CUX1: variants seen among roughly 807,000 people sequenced by gnomAD.
The protein encoded by CUX1 is protein CASP.
A neutral mutation model predicts 158.8 loss-of-function variants in CUX1; 31 were observed. That is an observed-to-expected ratio of 0.20 (90% CI 0.15 to 0.26). The LOEUF is 0.26. Among genes scored for constraint, CUX1 ranks in the 10% least tolerant of loss-of-function variants. The pLI is 1.00. For synonymous variants in CUX1, 879 were observed against 862.1 expected (o/e 1.02, Z -0.34); for missense variants, 1,589 against 2,014.6 (o/e 0.79, Z 4.04).
intron 1 of CUX1, among the ~76,000 whole-genome samples, chr7:101,898,585 CTTTT>C (rs67714464): frequency 1.7e-5 from 2 of 115,454 alleles, no homozygotes; most frequent in Non-Finnish European, 3.6e-5. Flanking sequence ...ATTTCTGTGT[CTTTT>C]TTTTTTTTTT....
intron 8 of CUX1, among the ~76,000 whole-genome samples, chr7:102,130,682 T>TA (rs1196602798): frequency 8.7e-4 from 132 of 151,770 alleles, no homozygotes; most frequent in Non-Finnish European, 1.2e-3. Flanking sequence ...CTCCATCTTA[T>TA]AAAAAAAATT....
chr7:102,200,124 A>C lies in CUX1; in HGVS notation c.2014A>C (p.Lys672Gln). 1 of 1,613,736 alleles carries C rather than the reference A, an allele frequency of 6.2e-7. No individual in the cohort carries two copies. Among genetic ancestry groups the C allele is most frequent in the Non-Finnish European group, 8.5e-7 (1 of 1,179,826 alleles). ...GGAGACTGGCTCTGATGAAGCCATC[A>C]AGTCCATCCTAGAGCAAGCCAAGAG... ...ASETGSDEAI[K>Q]SILEQAKREL... is the part of the protein sequence containing the mutation. Residue 672 changes from lysine (K) to glutamine (Q), a missense_variant, in exon 17 of 24, where the codon AAG becomes CAG. By Grantham distance (53) the Lys-to-Gln change is moderately conservative. This residue lies in a region of CUX1 where 337 missense variants were observed against 409.3 expected (regional missense o/e 0.82). Transcript: ENST00000292535.
chr7:102,250,124 C>A lies in CUX1; in HGVS notation c.*1082C>A. On this transcript the variant is annotated 3_prime_UTR_variant, in exon 24 of 24. Transcript: ENST00000292535. Reference sequence around the variant, plus strand: ...TATAATCTGCTTTTTAACCTCTAACCGCAGAGCACGCTGATCAGACCTCAT... The same window carrying A: ...TATAATCTGCTTTTTAACCTCTAACAGCAGAGCACGCTGATCAGACCTCAT... The A allele has an allele frequency of 1.0e-6, 1 of 985,278 alleles. No individual in the cohort carries two copies. Among genetic ancestry groups the A allele is most frequent in the Non-Finnish European group, 1.2e-6 (1 of 829,904 alleles). The allele number at this position is 985,278 out of a possible 1,614,324, so 61.0% of individuals were successfully genotyped here. A position where few individuals can be genotyped will look rare whatever the true frequency, so the allele number is the denominator to read the frequency against.
intron 1 of CUX1, among the ~76,000 whole-genome samples, chr7:101,823,718 C>A (rs2906721): frequency 0.15 from 22,893 of 152,130 alleles, 1,855 homozygotes; most frequent in Non-Finnish European, 0.18. Context: ...ATTTTTTTAA[C>A]AAGTAAACCA....
intron 20 of CUX1, among the ~76,000 whole-genome samples, chr7:102,216,574 ACACACTCTCC>A: frequency 2.1e-5 from 1 of 48,040 alleles, no homozygotes; most frequent in Admixed American, 3.0e-4. Context: ...ACTCCCACAC[ACACACTCTCC>A]CACACACACA....
chr7:101,916,030 G>A lies in CUX1; in HGVS notation c.31-85G>A, dbSNP rs1018677386. The A allele has an allele frequency of 1.1e-6, 1 of 927,266 alleles. No homozygotes were observed. The highest frequency in any genetic ancestry group is 1.8e-6 in the Non-Finnish European group (1 of 562,678). 57.4% of individuals were successfully genotyped at this position (927,266 alleles called of 1,614,324 possible). On this transcript the variant is annotated intron_variant, in intron 1 of 23. Transcript: ENST00000292535. This position sits in a 1 kb window ranked among gnomAD's most constrained non-coding sequence, Gnocchi z 4.4. ...TAGAGCCACTGGGGTCTCTCCCCCAGTGTTCTGGTCAAATGCAAATAGGAC... is the reference window on the plus strand; with the variant it reads ...TAGAGCCACTGGGGTCTCTCCCCCAATGTTCTGGTCAAATGCAAATAGGAC...
intron 9 of CUX1, 87 bp from the exon 10 acceptor site, chr7:102,170,359 A>C: frequency 3.4e-6 from 3 of 890,058 alleles, no homozygotes; most frequent in Non-Finnish European, 5.2e-6. Context: ...ATAGTCAGTC[A>C]GGCATGAATT....
chr7:102,238,738 A>T (rs1375848720), intron 22 of CUX1, among the ~76,000 whole-genome samples: 1 of 152,060 alleles, frequency 6.6e-6, no homozygotes, highest in Admixed American at 6.6e-5. Flanking sequence ...CTCTGCTGGG[A>T]ACATCTCTCT....
chr7:102,197,975 C>T (rs1291918094), intron 15 of CUX1, among the ~76,000 whole-genome samples: 1 of 152,180 alleles, frequency 6.6e-6, no homozygotes, highest in Non-Finnish European at 1.5e-5. Context: ...AAATCCCAGC[C>T]GGGCACAGTA....
chr7:102,010,609 G>A (rs1452890426), intron 2 of CUX1, among the ~76,000 whole-genome samples: 1 of 152,164 alleles, frequency 6.6e-6, no homozygotes, highest in Non-Finnish European at 1.5e-5. Context: ...TTACTCGTTT[G>A]TATGTGTGTG....
chr7:102,057,449 CTTCT>C (rs1824293736), intron 3 of CUX1, among the ~76,000 whole-genome samples: 1 of 152,068 alleles, frequency 6.6e-6, no homozygotes, highest in Non-Finnish European at 1.5e-5. Flanking sequence ...AAATCCTTTC[CTTCT>C]GGAAAGGAGT....
chr7:101,844,892 A>G (rs950531574), intron 1 of CUX1, among the ~76,000 whole-genome samples: 4 of 152,214 alleles, frequency 2.6e-5, no homozygotes, highest in Admixed American at 6.5e-5. Flanking sequence ...CTGGGATTAC[A>G]GGCGTGAGCC....
chr7:101,816,347 G>A (rs1478236660), upstream of CUX1, among the ~76,000 whole-genome samples: 2 of 144,362 alleles, frequency 1.4e-5, no homozygotes, highest in East Asian at 2.1e-4. Context: ...GCCGGGAGCC[G>A]CCGCCGCCAC....
intron 1 of CUX1, among the ~76,000 whole-genome samples, chr7:101,821,664 CTTTTTTCTTTTTTTTTTTTTT>C (rs1441647146): frequency 1.4e-5 from 1 of 71,026 alleles, no homozygotes; most frequent in African/African-American, 5.6e-5. Context: ...TTCTTTTTTT[CTTTTTTCTTTTTTTTTTTTTT>C]TTTTTTTTTT....
chr7:101,940,865 A>C (rs542610678), intron 2 of CUX1, among the ~76,000 whole-genome samples: 239 of 152,292 alleles, frequency 1.6e-3, no homozygotes, highest in African/African-American at 5.5e-3. Context: ...CTGTCTTGGC[A>C]ATCAGTAGAC....
At chr7:102,144,685 A>C (rs1442582581) in intron 8 of CUX1, among the ~76,000 whole-genome samples, 1 of 151,038 alleles carries the variant, frequency 6.6e-6, no homozygotes, top group Non-Finnish European at 1.5e-5. Flanking sequence ...AAAAAAAAAA[A>C]CAGTAAAAAT....
At chr7:102,204,665 G>A in intron 19 of CUX1, 109 bp downstream of exon 19, 4 of 1,425,340 alleles carry the variant, frequency 2.8e-6, no homozygotes, top group Middle Eastern at 2.3e-4. Context: ...TCCGCCCCAG[G>A]AGGTGGCCAA....
At chr7:101,879,955 G>T (rs1444557593) in intron 1 of CUX1, among the ~76,000 whole-genome samples, 2 of 152,202 alleles carry the variant, frequency 1.3e-5, no homozygotes, top group African/African-American at 4.8e-5. Context: ...CGACAAACTG[G>T]AGTCCACTGG....
chr7:101,910,005 C>T (rs1156367000), intron 1 of CUX1, among the ~76,000 whole-genome samples: 2 of 152,150 alleles, frequency 1.3e-5, no homozygotes, highest in Non-Finnish European at 2.9e-5. Flanking sequence ...CTGCAACCTC[C>T]GCCTCCCGAG....
Sources: allele counts gnomAD v4.1 joint callset (sites outside exome capture counted in the v4.1 genomes callset), GRCh38; gene constraint gnomAD v4.1.1; regional missense constraint gnomAD v4.1.1; non-coding constraint Gnocchi (gnomAD v3.1); transcripts MANE v1.5; gene names NCBI Gene and HGNC (gene_info 2026-07-23, HGNC 2026-07-21).